PPP1R1C: variants seen among roughly 807,000 people sequenced by gnomAD.
PPP1R1C encodes protein phosphatase 1 regulatory inhibitor subunit 1C.
Under a neutral mutation model 17.4 loss-of-function variants are expected in PPP1R1C, and 15 were observed. The ratio of observed to expected loss-of-function variants is 0.86; its 90% CI spans 0.58 to 1.33. The LOEUF is 1.33. Ranked by LOEUF, PPP1R1C falls within the 40% of genes most tolerant of loss-of-function variation. PPP1R1C has a pLI of 0.00. For missense variants in PPP1R1C, 143 were observed against 130.0 expected, an observed-to-expected ratio of 1.10 and a Z score of -0.48; for synonymous variants, 35 against 43.1, an observed-to-expected ratio of 0.81 and a Z score of 0.73.
exon 1 of PPP1R1C, chr2:181,954,590 T>C (rs1684639938): frequency 6.6e-6 from 1 of 152,168 alleles, no homozygotes; most frequent in African/African-American, 2.4e-5. Context: ...CTCTGATATC[T>C]GATCAAGAGT....
intron 4 of PPP1R1C, among the ~76,000 whole-genome samples, chr2:182,108,334 C>A (rs929264707): frequency 6.6e-6 from 1 of 152,132 alleles, no homozygotes; most frequent in Non-Finnish European, 1.5e-5. Flanking sequence ...CTGCTTTCAT[C>A]TCTTCTCTTT....
chr2:182,057,082 G>A (rs757513408), intron 2 of PPP1R1C, among the ~76,000 whole-genome samples: 5 of 152,220 alleles, frequency 3.3e-5, no homozygotes, highest in Non-Finnish European at 7.3e-5. Flanking sequence ...GGAATGCAGA[G>A]AAGCAGCAAA....
intron 4 of PPP1R1C, among the ~76,000 whole-genome samples, chr2:182,085,844 C>T (rs961898631): frequency 6.6e-6 from 1 of 152,110 alleles, no homozygotes; most frequent in Non-Finnish European, 1.5e-5. Flanking sequence ...TCACATAACA[C>T]ACATGTTTGT....
intron 4 of PPP1R1C, among the ~76,000 whole-genome samples, chr2:182,098,803 C>T (rs1354010917): frequency 6.6e-6 from 1 of 152,030 alleles, no homozygotes; most frequent in Non-Finnish European, 1.5e-5. Context: ...CAAAGTAAGC[C>T]CTACAAATAG....
At chr2:182,088,340 T>G (rs1426705653) in intron 4 of PPP1R1C, among the ~76,000 whole-genome samples, 1 of 152,232 alleles carries the variant, frequency 6.6e-6, no homozygotes, top group Non-Finnish European at 1.5e-5. Context: ...TTTAGGCTAT[T>G]AAAAACAAAT....
In PPP1R1C at chr2:182,117,371, C is replaced by T; in HGVS notation, c.*76C>T. ...TTTCTGAGTATACCATGGAATTCCA[C>T]TGCTTGACTTCCAGAAGCATCCTCC... On this transcript the variant is annotated 3_prime_UTR_variant, in exon 5 of 5. Transcript: ENST00000682840. The T allele has an allele frequency of 9.5e-7, 1 of 1,055,844 alleles. No individual in the cohort carries two copies. The allele number at this position is 1,055,844 out of a possible 1,614,324, so 65.4% of individuals were successfully genotyped here. A position where few individuals can be genotyped will look rare whatever the true frequency, so the allele number is the denominator to read the frequency against.
chr2:181,994,835 G>A (rs1685569738), intron 2 of PPP1R1C, among the ~76,000 whole-genome samples: 1 of 152,144 alleles, frequency 6.6e-6, no homozygotes, highest in African/African-American at 2.4e-5. Context: ...AAGGCATAGA[G>A]GCACTTATTT....
intron 4 of PPP1R1C, among the ~76,000 whole-genome samples, chr2:182,108,939 C>T (rs1225629316): frequency 6.6e-6 from 1 of 152,192 alleles, no homozygotes; most frequent in Non-Finnish European, 1.5e-5. Flanking sequence ...AATTGCCAAA[C>T]TCTCTCTCAA....
intron 4 of PPP1R1C, among the ~76,000 whole-genome samples, chr2:182,113,828 A>T (rs1203566815): frequency 6.6e-6 from 1 of 152,156 alleles, no homozygotes. Flanking sequence ...AAATGTAATG[A>T]GCCTCCTGTC....
chr2:182,003,154 A>G (rs576201916), intron 2 of PPP1R1C, among the ~76,000 whole-genome samples: 83 of 152,248 alleles, frequency 5.5e-4, no homozygotes, highest in Admixed American at 1.5e-3. Flanking sequence ...TGTGATAAAG[A>G]TATTTGCAAT....
Position 181,957,595 on chromosome 2 carries a change from T to C in PPP1R1C, n.111+2961T>C, listed in dbSNP as rs1160858450. On this transcript the variant is annotated intron_variant and non_coding_transcript_variant, in intron 1 of 5. Transcript: ENST00000464264. The surrounding 1 kb of genome is among the most constrained non-coding windows in gnomAD (Gnocchi z 4.2). ...GTAGTCCTAGATAAAATTTATGAAG[T>C]TAGGGTGTCTTCTTCTCAAAACTGT... 6.6e-6 allele frequency among the ~76,000 whole-genome samples: 1 copy of C among 152,200 alleles called. No homozygotes were observed. The highest frequency in any genetic ancestry group is 1.5e-5 in the Non-Finnish European group (1 of 68,028).
At chr2:182,119,279 C>A (rs1574466653), downstream of PPP1R1C, among the ~76,000 whole-genome samples, 2 of 151,956 alleles carry the variant, frequency 1.3e-5, no homozygotes, top group African/African-American at 2.4e-5. Flanking sequence ...TGTATATGTG[C>A]CACATTTTCT....
chr2:181,964,678 G>C (rs1684875509), intron 1 of PPP1R1C, among the ~76,000 whole-genome samples: 1 of 151,616 alleles, frequency 6.6e-6, no homozygotes, highest in Non-Finnish European at 1.5e-5. Context: ...TGGGTGAGAT[G>C]ACATCTCACT....
chr2:182,065,148 A>C (rs1687950732), intron 4 of PPP1R1C, among the ~76,000 whole-genome samples: 1 of 152,076 alleles, frequency 6.6e-6, no homozygotes, highest in Non-Finnish European at 1.5e-5. Flanking sequence ...TATACTCTCA[A>C]GTCTCCCCGA....
At chr2:182,036,697 A>G (rs62192116) in intron 2 of PPP1R1C, among the ~76,000 whole-genome samples, 1,526 of 151,656 alleles carry the variant, frequency 0.01, 9 homozygotes, top group Middle Eastern at 0.021. Flanking sequence ...CTCTCTCTCT[A>G]TGTGTTTGTG....
At position 182,019,701 on chromosome 2, in the gene PPP1R1C, C is replaced by A. The variant is rs533749664; in HGVS notation, c.142+31802C>A. On this transcript the variant is annotated intron_variant, in intron 2 of 4. Coordinates refer to ENST00000682840, the MANE Select transcript of PPP1R1C (RefSeq NM_001080545.3). ...ACCATATAACAAATCAGTGGCAGAG[C>A]TAGAGTTTGAACTCAGAGATCTGAT... is the stretch of plus-strand genomic sequence containing the variant. Among the ~76,000 whole-genome samples, 57 of 152,196 alleles carry A rather than the reference C, an allele frequency of 3.7e-4. 1 individual carries two copies. Among genetic ancestry groups the A allele is most frequent in the Middle Eastern group, 6.8e-3 (2 of 294 alleles).
At chr2:181,975,028 G>C (rs1685071354) in intron 1 of PPP1R1C, among the ~76,000 whole-genome samples, 1 of 152,080 alleles carries the variant, frequency 6.6e-6, no homozygotes, top group Non-Finnish European at 1.5e-5. Context: ...GATTGTGTCA[G>C]ACATCAATCA....
At chr2:181,989,511 C>T (rs916107131) in intron 2 of PPP1R1C, among the ~76,000 whole-genome samples, 1 of 152,152 alleles carries the variant, frequency 6.6e-6, no homozygotes, top group Non-Finnish European at 1.5e-5. Context: ...ATGGTGAAGG[C>T]TTTATAATGT....
chr2:181,983,280 A>AT (rs527556340), upstream of PPP1R1C, among the ~76,000 whole-genome samples: 12 of 152,320 alleles, frequency 7.9e-5, no homozygotes, highest in Admixed American at 3.9e-4. Context: ...GCTTTGCCAT[A>AT]TATTAGCTGG....
Sources: gnomAD v4.1 joint callset for allele counts (sites outside exome capture counted in the v4.1 genomes callset) on GRCh38, gnomAD v4.1.1 for gene constraint, Gnocchi (gnomAD v3.1) non-coding constraint, MANE v1.5 for transcripts, NCBI Gene and HGNC (gene_info 2026-07-23, HGNC 2026-07-21) for gene names.